The following EYS variants were observed in gnomAD, a reference collection of about 807,000 sequenced individuals.
EYS encodes the protein protein eyes shut homolog.
EYS carries 250 observed loss-of-function variants against 282.1 expected under a neutral mutation model. The observed-to-expected ratio is 0.89, with a 90% CI of 0.80 to 0.98. The LOEUF (loss-of-function observed/expected upper bound fraction) is 0.98, where lower values mean the gene tolerates loss of function less well. Ranked by LOEUF, EYS falls within the 50% of genes least tolerant of loss-of-function variation. EYS has a pLI of 0.00. For missense variants in EYS, 4,016 were observed against 3,709.0 expected, an observed-to-expected ratio of 1.08 and a Z score of -2.15; for synonymous variants, 1,355 against 1,282.9, an observed-to-expected ratio of 1.06 and a Z score of -1.20.
intron 29 of EYS, among the ~76,000 whole-genome samples, chr6:64,375,552 G>A (rs1431109745): frequency 1.3e-5 from 2 of 152,324 alleles, no homozygotes; most frequent in East Asian, 3.9e-4. Context: ...GCAGGTGAGG[G>A]TGTGGGGTAG....
chr6:64,347,571 G>A (rs1277761072), intron 29 of EYS, among the ~76,000 whole-genome samples: 3 of 139,406 alleles, frequency 2.2e-5, no homozygotes, highest in African/African-American at 8.2e-5. Flanking sequence ...ATCTACTTAT[G>A]CATATGTTTG....
chr6:65,554,862 G>A (rs1411849), intron 2 of EYS, among the ~76,000 whole-genome samples: 83,478 of 151,932 alleles, frequency 0.55, 22,958 homozygotes, highest in East Asian at 0.71. Flanking sequence ...AAAGTTAGAA[G>A]TATCCCAGTT....
chr6:64,775,956 G>C (rs1043930832), intron 22 of EYS, among the ~76,000 whole-genome samples: 1 of 151,926 alleles, frequency 6.6e-6, no homozygotes, highest in Admixed American at 6.6e-5. Context: ...ATCTATATCA[G>C]GTTCTATCTC....
At chr6:64,773,759 C>T (rs1397939165) in intron 22 of EYS, among the ~76,000 whole-genome samples, 1 of 151,866 alleles carries the variant, frequency 6.6e-6, no homozygotes, top group African/African-American at 2.4e-5. Flanking sequence ...TGTATGTTGG[C>T]CATCTGTATG....
chr6:64,349,271 T>G (rs989936986), intron 29 of EYS, among the ~76,000 whole-genome samples: 6 of 151,246 alleles, frequency 4.0e-5, no homozygotes, highest in Non-Finnish European at 8.9e-5. Context: ...TAATTACATA[T>G]AAATTAATTT....
At chr6:65,655,613 C>G (rs1457324557) in intron 1 of EYS, among the ~76,000 whole-genome samples, 3 of 151,576 alleles carry the variant, frequency 2.0e-5, no homozygotes, top group Non-Finnish European at 4.4e-5. Context: ...TTAAAATAGG[C>G]CTACTTTGTT....
At chr6:64,231,047 C>T (rs1321426404) in intron 30 of EYS, among the ~76,000 whole-genome samples, 5 of 151,904 alleles carry the variant, frequency 3.3e-5, no homozygotes, top group South Asian at 2.1e-4. Flanking sequence ...TAGTAAGAAA[C>T]GTGGAAGAAA....
intron 2 of EYS, among the ~76,000 whole-genome samples, chr6:65,507,880 G>A (rs9453313): frequency 0.11 from 17,177 of 151,934 alleles, 2,663 homozygotes; most frequent in African/African-American, 0.35. Flanking sequence ...TTATTCATAG[G>A]TATTTTAAAT....
rs1438092569 is a variant in EYS at position 65,695,270 on chromosome 6, A to T, written c.-448+11865T>A. On this transcript the variant is annotated intron_variant, in intron 1 of 42. Transcript: ENST00000503581. ...AGTTAAATATAGATTGCAAAATTAG[A>T]AGAGACATGGTATTTATCACCCTTG... 2.6e-5 allele frequency among the ~76,000 whole-genome samples: 4 copies of T among 152,072 alleles called. No homozygotes were observed. In the East Asian group the frequency reaches 7.7e-4, roughly 29 times the overall value.
chr6:65,484,793 A>G (rs1467976062), intron 5 of EYS, among the ~76,000 whole-genome samples: 1 of 152,216 alleles, frequency 6.6e-6, no homozygotes, highest in South Asian at 2.1e-4. Context: ...GGTTTGGTCA[A>G]TTATTGTGTG....
At chr6:64,302,532 C>G (rs189600872) in intron 30 of EYS, among the ~76,000 whole-genome samples, 1 of 152,094 alleles carries the variant, frequency 6.6e-6, no homozygotes, top group African/African-American at 2.4e-5. Context: ...GGGCAGCCCA[C>G]AAAAATTGAA....
At chr6:64,285,631 A>G (rs898920226) in intron 30 of EYS, among the ~76,000 whole-genome samples, 1 of 152,120 alleles carries the variant, frequency 6.6e-6, no homozygotes. Flanking sequence ...GTATTAGTCC[A>G]TTTTCACACT....
intron 5 of EYS, among the ~76,000 whole-genome samples, chr6:65,462,962 T>C (rs1002586905): frequency 6.6e-5 from 10 of 152,140 alleles, no homozygotes; most frequent in African/African-American, 1.9e-4. Flanking sequence ...TATTATTTCA[T>C]GGAAAATTTC....
intron 29 of EYS, chr6:64,377,758 G>C (rs558081526): frequency 1.4e-4 from 22 of 152,022 alleles, no homozygotes; most frequent in African/African-American, 5.3e-4. Flanking sequence ...TGAAACATCA[G>C]ACCCGATCTC....
intron 9 of EYS, among the ~76,000 whole-genome samples, chr6:65,344,662 T>A (rs1450102898): frequency 6.6e-6 from 1 of 151,512 alleles, no homozygotes; most frequent in African/African-American, 2.4e-5. Context: ...TATTAAACTT[T>A]CTGAAAAATC....
At chr6:65,647,365 A>G (rs1158687921) in intron 1 of EYS, among the ~76,000 whole-genome samples, 1 of 152,198 alleles carries the variant, frequency 6.6e-6, no homozygotes, top group African/African-American at 2.4e-5. Flanking sequence ...AAAGCCAAAT[A>G]TTTACAGCCA....
At chr6:65,225,712 A>G (rs1383969763) in intron 12 of EYS, among the ~76,000 whole-genome samples, 2 of 146,434 alleles carry the variant, frequency 1.4e-5, no homozygotes, top group African/African-American at 2.5e-5. Flanking sequence ...AAAAAACTCC[A>G]TCAAAAAAGA....
At chr6:65,645,992 C>T (rs1767437855) in intron 1 of EYS, among the ~76,000 whole-genome samples, 1 of 151,970 alleles carries the variant, frequency 6.6e-6, no homozygotes, top group African/African-American at 2.4e-5. Flanking sequence ...TAAAGAAACT[C>T]TGAACAAACC....
intron 30 of EYS, among the ~76,000 whole-genome samples, chr6:64,303,940 T>C (rs887455945): frequency 6.6e-6 from 1 of 151,098 alleles, no homozygotes; most frequent in Non-Finnish European, 1.5e-5. Flanking sequence ...TACAAAGGAA[T>C]GTAAGGGAGT....
Sources: allele counts gnomAD v4.1 joint callset (sites outside exome capture counted in the v4.1 genomes callset), GRCh38; gene constraint gnomAD v4.1.1; transcripts MANE v1.5; gene names NCBI Gene and HGNC (gene_info 2026-07-23, HGNC 2026-07-21).